Variants in PDE3A observed in about 807,000 individuals in gnomAD.
The protein encoded by PDE3A is cGMP-inhibited 3',5'-cyclic phosphodiesterase 3A.
In PDE3A, 43 loss-of-function variants were observed where a neutral mutation model predicts 98.3. The ratio of observed to expected loss-of-function variants is 0.44; its 90% CI spans 0.34 to 0.56. PDE3A has a LOEUF of 0.56. Ranked by LOEUF, PDE3A falls within the 20% of genes least tolerant of loss-of-function variation. The probability of loss-of-function intolerance (pLI) is 0.01; values close to 1 mark genes in which losing one functional copy is unlikely to be tolerated. For synonymous variants in PDE3A, 663 were observed against 567.9 expected, an observed-to-expected ratio of 1.17 and a Z score of -2.38; for missense variants, 1,427 against 1,440.7, an observed-to-expected ratio of 0.99 and a Z score of 0.15.
chr12:20,633,246 GC>G (rs1944422856), intron 6 of PDE3A, among the ~76,000 whole-genome samples: 1 of 152,108 alleles, frequency 6.6e-6, no homozygotes, highest in African/African-American at 2.4e-5. Context: ...CCCATAATGA[GC>G]TTTTAAGCAG....
intron 10 of PDE3A, among the ~76,000 whole-genome samples, chr12:20,641,573 G>A (rs1944648079): frequency 6.6e-6 from 1 of 152,114 alleles, no homozygotes; most frequent in Non-Finnish European, 1.5e-5. Flanking sequence ...TTTTAATGAT[G>A]TAATTAGCCA....
At chr12:20,589,634 C>A (rs541402488) in intron 2 of PDE3A, among the ~76,000 whole-genome samples, 1 of 151,756 alleles carries the variant, frequency 6.6e-6, no homozygotes, top group Non-Finnish European at 1.5e-5. Context: ...TTTGGGAGGC[C>A]GAGGCGGGCA....
Position 20,635,019 on chromosome 12 carries a change from C to T in PDE3A, c.1964C>T (p.Ala655Val), listed in dbSNP as rs1418650299. ...CLREPLRKASACSTYAPETMM... is the reference protein window; with the variant it reads ...CLREPLRKASVCSTYAPETMM... ...AGAGAGCCTCTGAGGAAAGCATCGG[C>T]TTGCAGCACCTATGCTCCTGAGACC... Residue 655 changes from alanine (A) to valine (V), a missense_variant, in exon 8 of 16, where the codon GCT (alanine) becomes GTT (valine). This residue lies in a region of PDE3A where 1,012 missense variants were observed against 886.5 expected (regional missense o/e 1.14). Coordinates refer to ENST00000359062, the MANE Select transcript of PDE3A (RefSeq NM_000921.5). The T allele has an allele frequency of 1.9e-5, 31 of 1,613,618 alleles. No homozygotes were observed. Among genetic ancestry groups the T allele is most frequent in the Non-Finnish European group, 2.5e-5 (29 of 1,179,704 alleles).
rs1390351685 is a variant in PDE3A, at chr12:20,460,564, A to G, written c.960+90320A>G. Among the ~76,000 whole-genome samples, 3 of 152,224 alleles carry G rather than the reference A, an allele frequency of 2.0e-5. No homozygotes were observed. In the East Asian group the frequency reaches 5.8e-4, roughly 29 times the overall value. ...AGATAAATCTTTAAGCTTTTGGAAT[A>G]ATATGAAAGTTTTATATGGTTATGG... On this transcript the variant is annotated intron_variant, in intron 1 of 15. Coordinates refer to ENST00000359062, the MANE Select transcript of PDE3A (RefSeq NM_000921.5).
At chr12:20,575,462 C>G (rs535360579) in intron 2 of PDE3A, among the ~76,000 whole-genome samples, 49 of 152,064 alleles carry the variant, frequency 3.2e-4, no homozygotes, top group African/African-American at 1.1e-3. Flanking sequence ...TAAATTTTAA[C>G]TCTAAGATAA....
At chr12:20,549,009 G>T (rs909438322) in intron 1 of PDE3A, among the ~76,000 whole-genome samples, 3 of 152,014 alleles carry the variant, frequency 2.0e-5, no homozygotes, top group African/African-American at 7.2e-5. Context: ...AAGGGCTAGG[G>T]AGATGTCTTT....
chr12:20,489,418 G>C (rs1945790861), intron 1 of PDE3A, among the ~76,000 whole-genome samples: 2 of 152,110 alleles, frequency 1.3e-5, no homozygotes, highest in Non-Finnish European at 2.9e-5. Context: ...TTATGCCAGA[G>C]TCTTATTACC....
chr12:20,636,953 C>CT (rs1286866457), intron 8 of PDE3A, 147 bp from the exon 9 acceptor site: 1 of 524,826 alleles, frequency 1.9e-6, no homozygotes, highest in Admixed American at 3.9e-5. Context: ...TTCATGTTGA[C>CT]TTTTTTAAGC....
At chr12:20,666,093 A>C (rs551633444) in intron 15 of PDE3A, among the ~76,000 whole-genome samples, 1 of 149,258 alleles carries the variant, frequency 6.7e-6, no homozygotes, top group Non-Finnish European at 1.5e-5. Context: ...TCAGCCCCCC[A>C]AGTAGCTAGG....
intron 2 of PDE3A, among the ~76,000 whole-genome samples, chr12:20,562,170 G>A (rs1466657257): frequency 6.7e-6 from 1 of 150,078 alleles, no homozygotes; most frequent in African/African-American, 2.4e-5. Flanking sequence ...TTTTATTCTT[G>A]AAGGAAAAGT....
At chr12:20,415,476 G>C (rs569386390) in intron 1 of PDE3A, among the ~76,000 whole-genome samples, 7 of 151,700 alleles carry the variant, frequency 4.6e-5, no homozygotes, top group Non-Finnish European at 1.0e-4. Context: ...CCGGAGTGCA[G>C]TGGCATCGAT....
In PDE3A at chr12:20,671,631, C is replaced by G. The variant is rs1470755001; in HGVS notation, c.3185-8399C>G. On this transcript the variant is annotated intron_variant, in intron 15 of 15. Coordinates refer to ENST00000359062, the MANE Select transcript of PDE3A (RefSeq NM_000921.5). ...TTATCTCAATAGATGCAGAAAAAGC[C>G]TTTGACAAAATTCAACAACCCTTCA... Among the ~76,000 whole-genome samples, 39 of 150,742 alleles carry G rather than the reference C, an allele frequency of 2.6e-4. No homozygotes were observed. In the East Asian group the frequency reaches 6.3e-3, roughly 24 times the overall value.
Position 20,630,024 on chromosome 12 carries a change from A to G in PDE3A, c.1657A>G (p.Thr553Ala), listed in dbSNP as rs766683208. 1.5e-5 allele frequency: 25 copies of G among 1,613,898 alleles called. No individual in the cohort carries two copies. Among genetic ancestry groups the G allele is most frequent in the Middle Eastern group, 1.6e-4 (1 of 6,084 alleles). Residue 553 changes from threonine to alanine, a missense_variant, in exon 6 of 16, where the codon ACA becomes GCA. Transcript: ENST00000359062. ...SAVQFPESAD[T>A]TAKQSLGSHR... The stretch of plus-strand genomic sequence containing the variant: ...AGTGCAGTTTCCAGAATCTGCTGAC[A>G]CAACTGCCAAACAAAGCCTAGGTTC...
chr12:20,447,126 G>T (rs1238227728), intron 1 of PDE3A, among the ~76,000 whole-genome samples: 1 of 152,176 alleles, frequency 6.6e-6, no homozygotes, highest in African/African-American at 2.4e-5. Context: ...ACACAGATGG[G>T]CAAAGGAGGC....
At chr12:20,573,938 A>T (rs1942866607) in intron 2 of PDE3A, among the ~76,000 whole-genome samples, 1 of 152,054 alleles carries the variant, frequency 6.6e-6, no homozygotes, top group African/African-American at 2.4e-5. Flanking sequence ...ACAAAAAGAA[A>T]AAATGGAGAT....
intron 2 of PDE3A, among the ~76,000 whole-genome samples, chr12:20,594,086 TAGTG>T (rs1472931544): frequency 2.6e-5 from 4 of 152,148 alleles, no homozygotes; most frequent in Admixed American, 2.0e-4. Context: ...GATAGAGAAT[TAGTG>T]AGAGCAGAAC....
At chr12:20,648,537 C>T (rs1388831373) in intron 12 of PDE3A, 151 bp from the exon 13 acceptor site, 2 of 612,538 alleles carry the variant, frequency 3.3e-6, no homozygotes, top group Non-Finnish European at 2.9e-6. Flanking sequence ...AGTCATTGTA[C>T]AGTAATAAGT....
At position 20,682,891 on chromosome 12, in the gene PDE3A, A is replaced by G. The variant is rs1332777075; in HGVS notation, c.*2620A>G. 1 of 152,216 alleles carries G rather than the reference A, an allele frequency of 6.6e-6. No homozygotes were observed. Among genetic ancestry groups the G allele is most frequent in the Non-Finnish European group, 1.5e-5 (1 of 68,032 alleles). The allele number at this position is 152,216 out of a possible 1,614,324, so 9.4% of individuals were successfully genotyped here. On this transcript the variant is annotated 3_prime_UTR_variant, in exon 16 of 16. Transcript: ENST00000359062. ...GGCAGGACAGTTGGAAGTCCATCAC[A>G]GTCTATTGACAGTTTCATCAAAGCT...
At chr12:20,555,058 G>C (rs909557644) in intron 1 of PDE3A, among the ~76,000 whole-genome samples, 3 of 151,770 alleles carry the variant, frequency 2.0e-5, no homozygotes, top group African/African-American at 7.3e-5. Flanking sequence ...GTCTCACTTT[G>C]TCTCCCAGGC....
Sources: allele counts gnomAD v4.1 joint callset (sites outside exome capture counted in the v4.1 genomes callset), GRCh38; gene constraint gnomAD v4.1.1; regional missense constraint gnomAD v4.1.1; transcripts MANE v1.5; gene names NCBI Gene and HGNC (gene_info 2026-07-23, HGNC 2026-07-21).